The following WDR17 variants were observed in gnomAD, a reference collection of about 807,000 sequenced individuals.
WDR17 encodes WD repeat domain 17.
In WDR17, 143 loss-of-function variants were observed where a neutral mutation model predicts 161.7. The ratio of observed to expected loss-of-function variants is 0.88; its 90% CI spans 0.77 to 1.02. WDR17 has a LOEUF of 1.02. Among genes scored for constraint, WDR17 ranks in the 50% least tolerant of loss-of-function variants. The pLI, the probability that WDR17 is intolerant of heterozygous loss-of-function variation, is 0.00. For missense variants in WDR17, 1,469 were observed against 1,520.9 expected (o/e 0.97, Z 0.57); for synonymous variants, 517 against 515.6 (o/e 1.00, Z -0.04).
chr4:176,179,364 G>GT (rs75391699), intron 28 of WDR17, 96 bp from the exon 29 acceptor site: 4,161 of 1,211,790 alleles, frequency 3.4e-3, no homozygotes, highest in South Asian at 4.0e-3. Context: ...TAAATATTAT[G>GT]TTTTTTTTTA....
chr4:176,104,932 A>G (rs1011706953), intron 1 of WDR17, among the ~76,000 whole-genome samples: 5 of 152,072 alleles, frequency 3.3e-5, no homozygotes, highest in African/African-American at 1.2e-4. Context: ...TTCAAACAAA[A>G]GAGATTGGCA....
At chr4:176,129,882 T>G (rs1743081166) in intron 6 of WDR17, among the ~76,000 whole-genome samples, 2 of 152,192 alleles carry the variant, frequency 1.3e-5, no homozygotes, top group African/African-American at 4.8e-5. Context: ...GGAATTTTTT[T>G]GTCATTGTTA....
rs780392048 is a variant in WDR17, at chr4:176,150,551, C to G, written c.2262C>G (p.Cys754Trp). The G allele has an allele frequency of 2.5e-6, 4 of 1,610,962 alleles. No individual in the cohort carries two copies. Among genetic ancestry groups the G allele is most frequent in the South Asian group, 1.1e-5 (1 of 90,220 alleles). ...QDDSLLPQNY[C>W]KGIMHLKHLI... ...ATAGCTTACTTCCTCAGAACTACTG[C>G]AAAGGAATAATGCACTTGAAACATC... is the stretch of plus-strand genomic sequence containing the variant. Residue 754 changes from cysteine (C) to tryptophan (W), a missense_variant, in exon 16 of 29, where the codon TGC (cysteine) becomes TGG (tryptophan). By Grantham distance (215) the Cys-to-Trp change is radical (BLOSUM62 -2). Coordinates refer to ENST00000508596, the MANE Select transcript of WDR17 (RefSeq NM_181265.4).
At chr4:176,169,087 G>GGAGT (rs1750319943) in intron 23 of WDR17, among the ~76,000 whole-genome samples, 1 of 152,166 alleles carries the variant, frequency 6.6e-6, no homozygotes, top group South Asian at 2.1e-4. Context: ...AGTTAGCGGT[G>GGAGT]GAGTGAGAAT....
intron 17 of WDR17, 46 bp downstream of exon 17, chr4:176,152,013 T>C: frequency 6.4e-7 from 1 of 1,558,554 alleles, no homozygotes; most frequent in South Asian, 1.2e-5. Context: ...CATAGTAGTC[T>C]AAACGTTAAG....
At chr4:176,116,122 G>A in intron 3 of WDR17, 143 bp downstream of exon 3, 1 of 783,202 alleles carries the variant, frequency 1.3e-6, no homozygotes, top group Non-Finnish European at 1.9e-6. Flanking sequence ...TTCACATAAT[G>A]ACTCATGCCC....
At chr4:176,161,984 G>T in intron 20 of WDR17, 91 bp from the exon 21 acceptor site, 4 of 1,054,736 alleles carry the variant, frequency 3.8e-6, no homozygotes, top group Admixed American at 3.0e-5. Context: ...AATTTTATTT[G>T]GTCTTTTTAT....
chr4:176,142,535 T>G (rs956237882), intron 11 of WDR17, among the ~76,000 whole-genome samples: 1 of 152,226 alleles, frequency 6.6e-6, no homozygotes, highest in Non-Finnish European at 1.5e-5. Context: ...AAGGTCAATC[T>G]TGTTTGACAG....
At chr4:176,098,606 A>G (rs1406479653) in intron 1 of WDR17, among the ~76,000 whole-genome samples, 1 of 152,106 alleles carries the variant, frequency 6.6e-6, no homozygotes, top group East Asian at 1.9e-4. Flanking sequence ...ATTTTGTTTC[A>G]TCTCCTTGGC....
intron 24 of WDR17, among the ~76,000 whole-genome samples, 189 bp from the exon 25 acceptor site, chr4:176,173,078 A>G (rs1247085193): frequency 6.6e-6 from 1 of 152,222 alleles, no homozygotes; most frequent in Non-Finnish European, 1.5e-5. Context: ...CTGATGTGAA[A>G]TATGGCATCT....
At chr4:176,076,670 G>A (rs1005033572) in intron 1 of WDR17, among the ~76,000 whole-genome samples, 1 of 150,590 alleles carries the variant, frequency 6.6e-6, no homozygotes, top group Non-Finnish European at 1.5e-5. Context: ...TCTTTAATGT[G>A]GATTTTTATT....
At position 176,139,881 on chromosome 4, in the gene WDR17, AT is replaced by A; in HGVS notation, c.1360-5del. ...TATTTCTTATTGATAGGTATTTTAC[AT>A]TTTTTGAAGCATGGAACAAATGGAA... On this transcript the variant is annotated splice_polypyrimidine_tract_variant and intron_variant, in intron 9 of 28. Coordinates refer to ENST00000508596, the MANE Select transcript of WDR17 (RefSeq NM_181265.4). 6.3e-7 allele frequency: 1 copy of A among 1,599,978 alleles called. No individual in the cohort carries two copies. The highest frequency in any genetic ancestry group is 2.2e-5 in the East Asian group (1 of 44,652).
chr4:176,171,602 C>G (rs190077821), intron 23 of WDR17, among the ~76,000 whole-genome samples: 1 of 151,814 alleles, frequency 6.6e-6, no homozygotes, highest in Admixed American at 6.6e-5. Context: ...TGAAACAAAC[C>G]ATGAAACTAT....
intron 1 of WDR17, among the ~76,000 whole-genome samples, chr4:176,073,271 C>T (rs1237375783): frequency 6.6e-6 from 1 of 152,118 alleles, no homozygotes; most frequent in East Asian, 1.9e-4. Context: ...CACCCTACAA[C>T]AGTCCCCAGA....
rs1285734644 is a variant in WDR17 at position 176,162,074 on chromosome 4, G to C, written c.2751-1G>C. ...TAGAATACACATTTTTTTCTTTCTA[G>C]ACTCCTGCACAAAGTCAGTAAAGAA... On this transcript the variant is annotated splice_acceptor_variant, in intron 20 of 28. Transcript: ENST00000508596. LOFTEE classifies it high-confidence loss of function. 3 of 1,606,232 alleles carry C rather than the reference G, an allele frequency of 1.9e-6. No homozygotes were observed. The highest frequency in any genetic ancestry group is 2.5e-6 in the Non-Finnish European group (3 of 1,177,192).
chr4:176,137,668 T>G, intron 9 of WDR17, 57 bp downstream of exon 9: 1 of 1,064,960 alleles, frequency 9.4e-7, no homozygotes, highest in Non-Finnish European at 1.3e-6. Flanking sequence ...TTTGTATTTA[T>G]TTTGTAAATA....
intron 1 of WDR17, among the ~76,000 whole-genome samples, chr4:176,100,379 T>A (rs1470081088): frequency 6.6e-6 from 1 of 152,174 alleles, no homozygotes; most frequent in Non-Finnish European, 1.5e-5. Flanking sequence ...TTGTATGTCT[T>A]CTTTAGAAAA....
chr4:176,097,065 G>A (rs1736995586), intron 1 of WDR17, among the ~76,000 whole-genome samples: 1 of 151,830 alleles, frequency 6.6e-6, no homozygotes, highest in South Asian at 2.1e-4. Context: ...AATTATGTTT[G>A]AAAACAAACT....
chr4:176,080,333 A>G (rs1561071251), intron 1 of WDR17, among the ~76,000 whole-genome samples: 2 of 151,870 alleles, frequency 1.3e-5, no homozygotes, highest in Admixed American at 6.6e-5. Context: ...AATTTCTAAA[A>G]CTGGATGGGA....
Sources: allele counts gnomAD v4.1 joint callset (sites outside exome capture counted in the v4.1 genomes callset), GRCh38; gene constraint gnomAD v4.1.1; transcripts MANE v1.5; gene names NCBI Gene and HGNC (gene_info 2026-07-23, HGNC 2026-07-21).